The following PTGS1 variants were observed in gnomAD, a reference collection of about 807,000 sequenced individuals.
The protein encoded by PTGS1 is prostaglandin G/H synthase 1.
Under a neutral mutation model 63.0 loss-of-function variants are expected in PTGS1, and 40 were observed. The observed-to-expected ratio is 0.63, with a 90% CI of 0.49 to 0.83. The LOEUF is 0.83. Among genes scored for constraint, PTGS1 ranks in the 40% least tolerant of loss-of-function variants. The probability of loss-of-function intolerance (pLI) is 0.00; values close to 1 mark genes in which losing one functional copy is unlikely to be tolerated. For synonymous variants in PTGS1, 298 were observed against 301.9 expected (o/e 0.99, Z 0.13); for missense variants, 709 against 786.5 (o/e 0.90, Z 1.18).
chr9:122,372,428 C>G (rs980600080), intron 2 of PTGS1, among the ~76,000 whole-genome samples: 3 of 152,218 alleles, frequency 2.0e-5, no homozygotes, highest in African/African-American at 7.2e-5. Context: ...ATGTGGCCAG[C>G]ACTTTAAAGT....
chr9:122,375,353 G>A (rs1837068937), intron 2 of PTGS1: 2 of 985,430 alleles, frequency 2.0e-6, no homozygotes, highest in Admixed American at 6.1e-5. Flanking sequence ...CCGAGGCAGA[G>A]CTCTAGGGCC....
Position 122,386,641 on chromosome 9 carries a change from G to C in PTGS1, c.1205G>C (p.Ser402Thr). 15 of 1,614,198 alleles carry C rather than the reference G, an allele frequency of 9.3e-6. No individual in the cohort carries two copies. The highest frequency in any genetic ancestry group is 1.2e-5 in the Non-Finnish European group (14 of 1,180,028). Residue 402 changes from serine to threonine, a missense_variant, in exon 9 of 11, where the codon AGC becomes ACC. Coordinates refer to ENST00000362012, the MANE Select transcript of PTGS1 (RefSeq NM_000962.4). ...DSFKVGSQEY[S>T]YEQFLFNTSM... Reference sequence around the variant, plus strand: ...TTCAAGGTGGGCTCCCAGGAGTACAGCTACGAGCAGTTCTTGTTCAACACC... The same window carrying C: ...TTCAAGGTGGGCTCCCAGGAGTACACCTACGAGCAGTTCTTGTTCAACACC...
chr9:122,391,023 G>A (rs887827216), intron 10 of PTGS1, among the ~76,000 whole-genome samples: 3 of 151,948 alleles, frequency 2.0e-5, no homozygotes, highest in South Asian at 2.1e-4. Context: ...GGGCCAAACC[G>A]TGTAGAATCT....
chr9:122,387,912 G>A (rs1837974111), intron 9 of PTGS1, among the ~76,000 whole-genome samples: 1 of 152,212 alleles, frequency 6.6e-6, no homozygotes, highest in Non-Finnish European at 1.5e-5. Flanking sequence ...CCTAAACCCT[G>A]TCATGAAGCT....
intron 2 of PTGS1, among the ~76,000 whole-genome samples, chr9:122,377,355 C>T (rs1366123010): frequency 6.6e-6 from 1 of 152,130 alleles, no homozygotes; most frequent in Non-Finnish European, 1.5e-5. Context: ...GATACCTGCT[C>T]TTCTCTACCT....
intron 2 of PTGS1, among the ~76,000 whole-genome samples, chr9:122,373,335 C>T (rs1836921385): frequency 6.6e-6 from 1 of 152,242 alleles, no homozygotes; most frequent in Non-Finnish European, 1.5e-5. Context: ...AAACTGAGGG[C>T]CAAGCTACTT....
At chr9:122,377,088 C>G (rs962306642) in intron 2 of PTGS1, among the ~76,000 whole-genome samples, 1 of 152,178 alleles carries the variant, frequency 6.6e-6, no homozygotes, top group Non-Finnish European at 1.5e-5. Flanking sequence ...CAGACCCCAC[C>G]CTGATGTGGG....
At position 122,393,046 on chromosome 9, in the gene PTGS1, A is replaced by T. The variant is rs955843771; in HGVS notation, c.*502A>T. On this transcript the variant is annotated 3_prime_UTR_variant, in exon 11 of 11. Coordinates refer to ENST00000362012, the MANE Select transcript of PTGS1 (RefSeq NM_000962.4). ...GTGGATTTGATTCATTTTCCTGTTC[A>T]GTGAGATATCATAGAGACGGAGATC... 1 of 158,048 alleles carries T rather than the reference A, an allele frequency of 6.3e-6. No individual in the cohort carries two copies. The highest frequency in any genetic ancestry group is 2.4e-5 in the African/African-American group (1 of 41,478). The allele number at this position is 158,048 out of a possible 1,614,324, so 9.8% of individuals were successfully genotyped here. A position where few individuals can be genotyped will look rare whatever the true frequency, so the allele number is the denominator to read the frequency against.
intron 9 of PTGS1, among the ~76,000 whole-genome samples, chr9:122,387,156 G>A (rs1588137712): frequency 2.0e-5 from 3 of 151,782 alleles, no homozygotes; most frequent in Non-Finnish European, 2.9e-5. Flanking sequence ...CCAGAGTTGC[G>A]GGTTATGGGA....
intron 3 of PTGS1, 91 bp downstream of exon 3, chr9:122,378,106 C>A: frequency 8.2e-7 from 1 of 1,222,310 alleles, no homozygotes; most frequent in Non-Finnish European, 1.2e-6. Context: ...CTACCCTCCT[C>A]TCTGACCATG....
chr9:122,378,427 C>G lies in PTGS1; in HGVS notation c.212-6C>G. On this transcript the variant is annotated splice_polypyrimidine_tract_variant and splice_region_variant and intron_variant, in intron 3 of 10. Transcript: ENST00000362012. ...ACCAACTGAGTGACTGCCATTGCCC[C>G]TGCAGCTGGCCTGTGGACCTGGCTC... The G allele has an allele frequency of 6.2e-7, 1 of 1,613,394 alleles. No homozygotes were observed. The highest frequency in any genetic ancestry group is 8.5e-7 in the Non-Finnish European group (1 of 1,180,044).
intron 2 of PTGS1, chr9:122,375,433 G>T: frequency 1.0e-6 from 1 of 985,522 alleles, no homozygotes; most frequent in Non-Finnish European, 1.2e-6. Context: ...ACTCCTTTTG[G>T]TCAGGCTGGA....
chr9:122,387,036 T>C (rs1437783400), intron 9 of PTGS1, among the ~76,000 whole-genome samples: 1 of 152,026 alleles, frequency 6.6e-6, no homozygotes, highest in Non-Finnish European at 1.5e-5. Flanking sequence ...TTACTGCGTG[T>C]CAGGCACTGT....
At chr9:122,380,216 C>A (rs1273580850) in intron 5 of PTGS1, among the ~76,000 whole-genome samples, 1 of 152,034 alleles carries the variant, frequency 6.6e-6, no homozygotes, top group Non-Finnish European at 1.5e-5. Flanking sequence ...GTAATCCCAG[C>A]ACTTTGGGAG....
At chr9:122,386,769 C>CTGAGG in intron 9 of PTGS1, 37 bp downstream of exon 9, 1 of 1,603,132 alleles carries the variant, frequency 6.2e-7, no homozygotes. Flanking sequence ...GGCAGGTGGG[C>CTGAGG]TGAGGGATCC....
At chr9:122,375,178 C>A in intron 2 of PTGS1, 1 of 477,834 alleles carries the variant, frequency 2.1e-6, no homozygotes, top group Non-Finnish European at 2.7e-6. Flanking sequence ...TGCCCCAGAG[C>A]AGTGGTGTTT....
chr9:122,392,628 G>T lies in PTGS1; in HGVS notation c.*84G>T. On this transcript the variant is annotated 3_prime_UTR_variant, in exon 11 of 11. Coordinates refer to ENST00000362012, the MANE Select transcript of PTGS1 (RefSeq NM_000962.4). ...GAGGCCAGGGCTGATGGTCTTAAAT[G>T]CTCATTTTCTGGTTTGGCATGGTGA... is the stretch of plus-strand genomic sequence containing the variant. The T allele has an allele frequency of 7.7e-7, 1 of 1,298,746 alleles. No homozygotes were observed. Among genetic ancestry groups the T allele is most frequent in the South Asian group, 1.4e-5 (1 of 70,358 alleles). 80.5% of individuals were successfully genotyped at this position (1,298,746 alleles called of 1,614,324 possible).
chr9:122,391,319 CACAT>C (rs1280986420), intron 10 of PTGS1, among the ~76,000 whole-genome samples: 5 of 123,302 alleles, frequency 4.1e-5, no homozygotes, highest in Non-Finnish European at 7.7e-5. Flanking sequence ...CATATACACA[CACAT>C]ATATATGTGT....
At position 122,371,220 on chromosome 9, in the gene PTGS1, C is replaced by A; in HGVS notation, c.42C>A (p.Leu14=). 6.2e-7 allele frequency: 1 copy of A among 1,608,222 alleles called. No individual in the cohort carries two copies. ...SLLLWFLLFL[L]LLPPLPVLLA... is the part of the protein sequence containing the mutation. Reference sequence around the variant, plus strand: ...TGCTCTGGTTCTTGCTGTTCCTGCTCCTGCTCCCGCCGCTCCCCGTCCTGC... The same window carrying A: ...TGCTCTGGTTCTTGCTGTTCCTGCTACTGCTCCCGCCGCTCCCCGTCCTGC... Residue 14 remains leucine (L), a synonymous_variant, in exon 2 of 11, where the codon CTC becomes CTA. Transcript: ENST00000362012.
Sources: allele counts gnomAD v4.1 joint callset (sites outside exome capture counted in the v4.1 genomes callset), GRCh38; gene constraint gnomAD v4.1.1; transcripts MANE v1.5; gene names NCBI Gene and HGNC (gene_info 2026-07-23, HGNC 2026-07-21).